SCP2: variants seen among roughly 807,000 people sequenced by gnomAD.
SCP2 encodes sterol carrier protein 2.
In SCP2, 48 loss-of-function variants were observed where a neutral mutation model predicts 71.4. The ratio of observed to expected loss-of-function variants is 0.67; its 90% confidence interval spans 0.53 to 0.86. The LOEUF is 0.86. Ranked by LOEUF, SCP2 falls within the 40% of genes least tolerant of loss-of-function variation. The pLI, the probability that SCP2 is intolerant of heterozygous loss-of-function variation, is 0.00. For missense variants in SCP2, 560 were observed against 655.6 expected, an observed-to-expected ratio of 0.85 and a Z score of 1.59; for synonymous variants, 220 against 218.1, an observed-to-expected ratio of 1.01 and a Z score of -0.08.
At chr1:52,941,949 GC>G in intron 2 of SCP2, 96 bp downstream of exon 2, 1 of 866,532 alleles carries the variant, frequency 1.2e-6, no homozygotes, top group Non-Finnish European at 1.9e-6. Flanking sequence ...ACAAAAGGAA[GC>G]CCAGTCAAGG....
chr1:53,047,574 G>T (rs1387904490), intron 14 of SCP2, among the ~76,000 whole-genome samples: 1 of 152,116 alleles, frequency 6.6e-6, no homozygotes, highest in African/African-American at 2.4e-5. Context: ...TTTCATGTCA[G>T]TAAATCCAGA....
At chr1:53,028,316 C>G (rs1662280074) in intron 13 of SCP2, among the ~76,000 whole-genome samples, 1 of 152,166 alleles carries the variant, frequency 6.6e-6, no homozygotes, top group Non-Finnish European at 1.5e-5. Context: ...AAAATTGTCA[C>G]TCTTTTCTAG....
At chr1:52,978,837 C>T (rs1051111613) in intron 9 of SCP2, among the ~76,000 whole-genome samples, 4 of 152,146 alleles carry the variant, frequency 2.6e-5, no homozygotes. Context: ...GCTGGGATTA[C>T]AGGCGTGAAT....
Position 53,048,165 on chromosome 1 carries a change from G to C in SCP2, c.1548+228G>C, listed in dbSNP as rs4348672. The C allele has an allele frequency of 0.11, 53,206 of 484,474 alleles. 7,415 individuals are homozygous for C. Among genetic ancestry groups the C allele is most frequent in the African/African-American group, 0.49 (25,221 of 51,264 alleles). The allele number at this position is 484,474 out of a possible 1,614,324, so 30.0% of individuals were successfully genotyped here. On this transcript the variant is annotated intron_variant, in intron 15 of 15. Transcript: ENST00000371514. The stretch of plus-strand genomic sequence containing the variant: ...TCCCACGCTCAGGGCATCCACAGAT[G>C]TGTAAAAGAGTCAGTGCAGCCAGAG...
chr1:52,974,876 C>T (rs960446689), intron 7 of SCP2, 44 bp downstream of exon 7: 1 of 935,514 alleles, frequency 1.1e-6, no homozygotes, highest in African/African-American at 1.6e-5. Context: ...CTGGGTTATC[C>T]TACTGTATAA....
At chr1:52,964,871 G>A (rs771390528) in intron 6 of SCP2, among the ~76,000 whole-genome samples, 6 of 151,972 alleles carry the variant, frequency 3.9e-5, no homozygotes, top group African/African-American at 1.4e-4. Flanking sequence ...AAAATTAGCC[G>A]AGCCTGGTAG....
chr1:52,988,733 T>G (rs1659214670), intron 11 of SCP2, among the ~76,000 whole-genome samples: 1 of 151,240 alleles, frequency 6.6e-6, no homozygotes, highest in South Asian at 2.1e-4. Context: ...TTGCCCAGGC[T>G]GGAAAGAAGT....
chr1:53,036,034 A>G lies in SCP2; in HGVS notation c.1339-2883A>G, dbSNP rs546062295. Among the ~76,000 whole-genome samples the G allele has an allele frequency of 2.5e-4, 38 of 149,160 alleles. No homozygotes were observed. In the South Asian group the frequency reaches 7.8e-3, roughly 31 times the overall value. On this transcript the variant is annotated intron_variant, in intron 13 of 15. Coordinates refer to ENST00000371514, the MANE Select transcript of SCP2 (RefSeq NM_002979.5). ...GACTCCGTCTCAAAAAAAAAAAAAA[A>G]AAAAAAGAAAACTGAGATTCAGAAA...
At chr1:53,039,474 C>G (rs1054107470) in intron 14 of SCP2, among the ~76,000 whole-genome samples, 3 of 152,206 alleles carry the variant, frequency 2.0e-5, no homozygotes, top group African/African-American at 7.2e-5. Context: ...GAAGACCTGT[C>G]CATACTCACA....
chr1:53,040,615 G>A (rs959785032), intron 14 of SCP2, among the ~76,000 whole-genome samples: 18 of 152,090 alleles, frequency 1.2e-4, no homozygotes, highest in Non-Finnish European at 2.9e-5. Flanking sequence ...CAGCTACTCA[G>A]GAGGCTGAGG....
chr1:52,978,342 T>C lies in SCP2; in HGVS notation c.800T>C (p.Phe267Ser), dbSNP rs1658173574. 1 of 1,614,022 alleles carries C rather than the reference T, an allele frequency of 6.2e-7. No homozygotes were observed. Among genetic ancestry groups the C allele is most frequent in the Non-Finnish European group, 8.5e-7 (1 of 1,179,882 alleles). The change falls in exon 9 of 16, where the codon TTT becomes TCT. Residue 267 changes from phenylalanine to serine, a missense_variant. Physicochemically the swap from Phe to Ser is radical, Grantham distance 155. Coordinates refer to ENST00000371514, the MANE Select transcript of SCP2 (RefSeq NM_002979.5). ...ATGATGACTGATTTGCCAAGCTCGT[T>C]TGAAGAAAAAAGCATTATTAAAATG... ...QEMMTDLPSS[F>S]EEKSIIKMVG... is the part of the protein sequence containing the mutation.
At chr1:53,044,561 T>C (rs1471102536) in intron 14 of SCP2, among the ~76,000 whole-genome samples, 5 of 152,246 alleles carry the variant, frequency 3.3e-5, no homozygotes, top group Non-Finnish European at 5.9e-5. Context: ...GTTTTCATTC[T>C]ATTGGACAAA....
intron 11 of SCP2, among the ~76,000 whole-genome samples, chr1:53,013,923 T>G: frequency 1.7e-5 from 2 of 118,904 alleles, no homozygotes; most frequent in African/African-American, 6.4e-5. Flanking sequence ...TGAGACGGAG[T>G]CTTGCTCTGT....
At chr1:53,008,094 C>T (rs1275669499) in intron 11 of SCP2, among the ~76,000 whole-genome samples, 3 of 152,146 alleles carry the variant, frequency 2.0e-5, no homozygotes, top group Non-Finnish European at 4.4e-5. Flanking sequence ...AGTTGAATCC[C>T]TGAATAGACC....
chr1:52,936,250 G>A (rs917345976), intron 1 of SCP2, among the ~76,000 whole-genome samples: 5 of 152,242 alleles, frequency 3.3e-5, no homozygotes, highest in South Asian at 4.1e-4. Context: ...TTAGTTTTAA[G>A]TTCTATTATG....
In SCP2 at chr1:52,950,852, T is replaced by G. The variant is rs780459346; in HGVS notation, c.297T>G (p.Thr99=). The part of the protein sequence containing the change: ...NVNNNCATGS[T]ALFMARQLIQ... ...ACAATAACTGTGCTACTGGTTCTAC[T>G]GCTTTGTTTATGGCCCGCCAGCTGA... is the stretch of plus-strand genomic sequence containing the variant. The change falls in exon 4 of 16, where the codon ACT becomes ACG. Residue 99 remains threonine, a synonymous_variant. Transcript: ENST00000371514. 6.2e-7 allele frequency: 1 copy of G among 1,614,152 alleles called. No homozygotes were observed.
At chr1:52,971,589 A>C (rs1265386707) in intron 6 of SCP2, among the ~76,000 whole-genome samples, 1 of 152,224 alleles carries the variant, frequency 6.6e-6, no homozygotes, top group Non-Finnish European at 1.5e-5. Context: ...AAAAAATGGG[A>C]AATTGTCCAT....
chr1:53,051,582 A>T lies in SCP2; in HGVS notation c.*878A>T, dbSNP rs1190989016. ...AAATAATGCTTTGAGAAGAATGTTT[A>T]ATAGAAAATTAAAATAACTTTTTCT... On this transcript the variant is annotated 3_prime_UTR_variant, in exon 16 of 16. Coordinates refer to ENST00000371514, the MANE Select transcript of SCP2 (RefSeq NM_002979.5). 5 of 152,318 alleles carry T rather than the reference A, an allele frequency of 3.3e-5. No individual in the cohort carries two copies. Among genetic ancestry groups the T allele is most frequent in the African/African-American group, 1.2e-4 (5 of 41,572 alleles). 9.4% of individuals were successfully genotyped at this position (152,318 alleles called of 1,614,324 possible).
At chr1:53,049,457 C>T (rs1209094181) in intron 15 of SCP2, 1 of 152,176 alleles carries the variant, frequency 6.6e-6, no homozygotes, top group Admixed American at 6.5e-5. Context: ...CAGTGTTTGG[C>T]TCCAGCAGCA....
Sources: allele counts gnomAD v4.1 joint callset (sites outside exome capture counted in the v4.1 genomes callset), GRCh38; gene constraint gnomAD v4.1.1; transcripts MANE v1.5; gene names NCBI Gene and HGNC (gene_info 2026-07-23, HGNC 2026-07-21).